The following DDC variants were observed in gnomAD, a reference collection of about 807,000 sequenced individuals.
The protein encoded by DDC is dopa decarboxylase, also known as aromatic-L-amino-acid decarboxylase.
In DDC, 43 loss-of-function variants were observed where a neutral mutation model predicts 60.0. The observed-to-expected ratio is 0.72, with a 90% CI of 0.56 to 0.92. The LOEUF is 0.92. Ranked by LOEUF, DDC falls within the 40% of genes least tolerant of loss-of-function variation. The pLI is 0.00. For missense variants in DDC, 573 were observed against 620.2 expected (o/e 0.92, Z 0.81); for synonymous variants, 232 against 234.6 (o/e 0.99, Z 0.10).
At chr7:50,544,716 C>T (rs2044745399) in intron 1 of DDC, among the ~76,000 whole-genome samples, 1 of 152,178 alleles carries the variant, frequency 6.6e-6, no homozygotes, top group East Asian at 1.9e-4. Context: ...AAGTAATATA[C>T]AGGCAATTCT....
chr7:50,497,839 C>T (rs1157831163), intron 8 of DDC, among the ~76,000 whole-genome samples: 2 of 152,148 alleles, frequency 1.3e-5, no homozygotes, highest in Non-Finnish European at 1.5e-5. Flanking sequence ...CAGACATAAA[C>T]CAGAATACTA....
chr7:50,565,320 C>T lies in DDC; in HGVS notation c.-64G>A, dbSNP rs1031251348. Reference sequence around the variant, plus strand: ...TTCGAATTCCTTACAGGGCTACTCTCCTTGATGGGATTCTCCAACTTTGGG... The same window carrying T: ...TTCGAATTCCTTACAGGGCTACTCTTCTTGATGGGATTCTCCAACTTTGGG... On this transcript the variant is annotated 5_prime_UTR_variant, in exon 1 of 15. Transcript: ENST00000444124. 6.6e-6 allele frequency: 1 copy of T among 152,264 alleles called. No individual in the cohort carries two copies. The highest frequency in any genetic ancestry group is 1.5e-5 in the Non-Finnish European group (1 of 68,060). 9.4% of individuals were successfully genotyped at this position (152,264 alleles called of 1,614,324 possible).
At position 50,483,914 on chromosome 7, in the gene DDC, A is replaced by AC. The variant is rs2042825811; in HGVS notation, c.945-4052_945-4051insG. 2.0e-5 allele frequency among the ~76,000 whole-genome samples: 3 copies of AC among 151,838 alleles called. 1 individual carries two copies. Among genetic ancestry groups the AC allele is most frequent in the South Asian group, 4.2e-4 (2 of 4,812 alleles). ...GCAAGATTCCATCTCAAAAAAAAAA[A>AC]AAGAATAATAATTTGGGTATTTCTG... On this transcript the variant is annotated intron_variant, in intron 9 of 14. Coordinates refer to ENST00000444124, the MANE Select transcript of DDC (RefSeq NM_001082971.2).
chr7:50,505,520 G>A (rs2043370096), intron 6 of DDC, among the ~76,000 whole-genome samples: 2 of 152,186 alleles, frequency 1.3e-5, no homozygotes. Context: ...ACCCCAGTTC[G>A]AGACCTTTGT....
chr7:50,521,356 G>C (rs1173734959), intron 6 of DDC, among the ~76,000 whole-genome samples: 3 of 152,150 alleles, frequency 2.0e-5, no homozygotes, highest in Non-Finnish European at 2.9e-5. Flanking sequence ...TCACTGCTGA[G>C]TTCTGCCAAA....
intron 7 of DDC, among the ~76,000 whole-genome samples, chr7:50,503,732 C>A (rs1410079436): frequency 6.6e-6 from 1 of 152,224 alleles, no homozygotes; most frequent in Non-Finnish European, 1.5e-5. Context: ...TGCAATTTTA[C>A]ATAACTTCTA....
chr7:50,532,713 A>G (rs1380723971), intron 4 of DDC, among the ~76,000 whole-genome samples: 3 of 152,278 alleles, frequency 2.0e-5, no homozygotes, highest in African/African-American at 4.8e-5. Flanking sequence ...CTCTTATTAT[A>G]ATAGACACAG....
rs752006634 is a variant in DDC at position 50,463,431 on chromosome 7, C to G, written c.1243G>C (p.Gly415Arg). ...AGAGCTTCATTCACTTTGTTGGAAC[C>G]CTGGAGGGATTGAAAGAGAGGAACT... Reference protein sequence around the residue: ...ILGLVCFRLKGSNKVNEALLQ... With the variant: ...ILGLVCFRLKRSNKVNEALLQ... Residue 415 changes from glycine to arginine, a missense_variant and splice_region_variant, in exon 14 of 15, where the codon GGT (glycine) becomes CGT (arginine). By Grantham distance (125) the Gly-to-Arg change is moderately radical. Transcript: ENST00000444124. 1 of 1,613,716 alleles carries G rather than the reference C, an allele frequency of 6.2e-7. No individual in the cohort carries two copies. Among genetic ancestry groups the G allele is most frequent in the African/African-American group, 1.3e-5 (1 of 74,872 alleles).
At position 50,555,048 on chromosome 7, in the gene DDC, G is replaced by T. The variant is rs566067842; in HGVS notation, c.-29+10237C>A. Among the ~76,000 whole-genome samples the T allele has an allele frequency of 1.3e-4, 20 of 152,216 alleles. 1 individual carries two copies. In the East Asian group the frequency reaches 3.5e-3, roughly 26 times the overall value. On this transcript the variant is annotated intron_variant, in intron 1 of 14. Coordinates refer to ENST00000444124, the MANE Select transcript of DDC (RefSeq NM_001082971.2). ...CCAATATGATGCACTCCCATCCCTCGGATGGAGAGATGGGAGAGACTGTGC... is the reference window on the plus strand; with the variant it reads ...CCAATATGATGCACTCCCATCCCTCTGATGGAGAGATGGGAGAGACTGTGC...
chr7:50,526,993 A>G (rs897089872), intron 6 of DDC, among the ~76,000 whole-genome samples: 4 of 137,832 alleles, frequency 2.9e-5, no homozygotes, highest in African/African-American at 1.0e-4. Flanking sequence ...AAAAGTGGAA[A>G]TAGACATATC....
At chr7:50,556,507 G>A (rs978913369) in intron 1 of DDC, among the ~76,000 whole-genome samples, 1 of 152,040 alleles carries the variant, frequency 6.6e-6, no homozygotes, top group Admixed American at 6.5e-5. Context: ...AAACACACAC[G>A]TCCACTCCAT....
At chr7:50,561,951 T>C (rs564204396) in intron 1 of DDC, among the ~76,000 whole-genome samples, 1 of 151,818 alleles carries the variant, frequency 6.6e-6, no homozygotes, top group South Asian at 2.1e-4. Flanking sequence ...CAATAGCACA[T>C]GCATATATGC....
In DDC at chr7:50,537,979, C is replaced by A. The variant is rs1360094078; in HGVS notation, c.316G>T (p.Ala106Ser). The change falls in exon 4 of 15, where the codon GCG (alanine) becomes TCG (serine). Residue 106 changes from alanine (A) to serine (S), a missense_variant and splice_region_variant. Ala to Ser is a moderately conservative substitution (Grantham distance 99, BLOSUM62 1). Transcript: ENST00000444124. Reference sequence around the variant, plus strand: ...AGCTCTGTGCATGCTGGGCTTGCCGCCTGTCGTGGGGGAAGGGAAGGGATT... The same window carrying A: ...AGCTCTGTGCATGCTGGGCTTGCCGACTGTCGTGGGGGAAGGGAAGGGATT... ...GAIGCIGFSW[A>S]ASPACTELET... The A allele has an allele frequency of 6.2e-7, 1 of 1,614,158 alleles. No individual in the cohort carries two copies. Among genetic ancestry groups the A allele is most frequent in the Admixed American group, 1.7e-5 (1 of 60,018 alleles).
chr7:50,541,743 C>T (rs776478040), intron 2 of DDC, among the ~76,000 whole-genome samples: 1 of 152,170 alleles, frequency 6.6e-6, no homozygotes, highest in Non-Finnish European at 1.5e-5. Context: ...TATAGCAGTC[C>T]AAGCTAAGAT....
At chr7:50,512,766 G>T (rs116285676) in intron 6 of DDC, among the ~76,000 whole-genome samples, 1,911 of 152,194 alleles carry the variant, frequency 0.013, 37 homozygotes, top group African/African-American at 0.044. Flanking sequence ...GACTTCTGGG[G>T]GATAAAAAGG....
intron 1 of DDC, among the ~76,000 whole-genome samples, chr7:50,551,632 C>T (rs955746951): frequency 2.0e-5 from 3 of 152,090 alleles, no homozygotes; most frequent in Non-Finnish European, 4.4e-5. Context: ...GCATTCTTTT[C>T]CACTAGGGTG....
At chr7:50,484,850 C>A (rs549676717) in intron 9 of DDC, among the ~76,000 whole-genome samples, 3 of 152,256 alleles carry the variant, frequency 2.0e-5, no homozygotes, top group East Asian at 1.9e-4. Context: ...ATCTACAACA[C>A]TACATAGTGC....
intron 10 of DDC, among the ~76,000 whole-genome samples, chr7:50,478,788 T>C (rs1255214912): frequency 6.9e-6 from 1 of 144,860 alleles, no homozygotes; most frequent in African/African-American, 2.6e-5. Context: ...AGCTTGTATA[T>C]TGGTAATTGG....
At chr7:50,510,536 G>A (rs2043529800) in intron 6 of DDC, among the ~76,000 whole-genome samples, 1 of 151,728 alleles carries the variant, frequency 6.6e-6, no homozygotes, top group African/African-American at 2.4e-5. Context: ...AGGTGTGGTG[G>A]TGCACATCTG....
Sources: allele counts gnomAD v4.1 joint callset (sites outside exome capture counted in the v4.1 genomes callset), GRCh38; gene constraint gnomAD v4.1.1; transcripts MANE v1.5; gene names NCBI Gene and HGNC (gene_info 2026-07-23, HGNC 2026-07-21).